TENM4: variants seen among roughly 807,000 people sequenced by gnomAD.
TENM4 encodes the protein teneurin-4.
In TENM4, 82 loss-of-function variants were observed where a neutral mutation model predicts 243.3. The ratio of observed to expected loss-of-function variants is 0.34; its 90% confidence interval spans 0.28 to 0.40. The LOEUF (loss-of-function observed/expected upper bound fraction) is 0.40. Ranked by LOEUF, TENM4 falls within the 10% of genes least tolerant of loss-of-function variation. The pLI is 1.00. For missense variants in TENM4, 3,138 were observed against 3,673.3 expected (o/e 0.85, Z 3.77); for synonymous variants, 1,412 against 1,456.3 (o/e 0.97, Z 0.69).
intron 27 of TENM4, among the ~76,000 whole-genome samples, chr11:78,704,034 TACACACACACACAC>T (rs375601895): frequency 2.2e-5 from 3 of 138,218 alleles, no homozygotes; most frequent in East Asian, 2.1e-4. Flanking sequence ...CATATATATA[TACACACACACACAC>T]ACACACACAC....
chr11:78,851,360 GA>G, intron 12 of TENM4, among the ~76,000 whole-genome samples: 1 of 152,276 alleles, frequency 6.6e-6, no homozygotes, highest in Non-Finnish European at 1.5e-5. Context: ...GAACCAAAGG[GA>G]AAAGAAGACC....
At position 78,708,489 on chromosome 11, in the gene TENM4, T is replaced by C. The variant is rs200821670; in HGVS notation, c.4081A>G (p.Ile1361Val). ...ATCATGGTGCCATCCACGAAGTAGA[T>C]CAGCCCAAACTTGTCCACTGTAATG... ...RGITVDKFGLIYFVDGTMIRR... is the reference protein window; with the variant it reads ...RGITVDKFGLVYFVDGTMIRR... Residue 1361 changes from isoleucine to valine, a missense_variant, in exon 27 of 34, where the codon ATC becomes GTC. By Grantham distance (29) the Ile-to-Val change is conservative. This residue lies in a region of TENM4 where 2,467 missense variants were observed against 3,059.1 expected (regional missense o/e 0.81). Transcript: ENST00000278550. The C allele has an allele frequency of 1.3e-3, 2,086 of 1,613,948 alleles. 19 individuals carry two copies. In the South Asian group the frequency reaches 0.013, roughly 10 times the overall value.
chr11:79,298,976 TAAC>T (rs952502323), intron 1 of TENM4, among the ~76,000 whole-genome samples: 2 of 152,196 alleles, frequency 1.3e-5, no homozygotes, highest in African/African-American at 2.4e-5. Flanking sequence ...ATAGGTTCTG[TAAC>T]AACGTTGCTA....
intron 3 of TENM4, among the ~76,000 whole-genome samples, chr11:79,178,122 T>A (rs1863205247): frequency 6.6e-6 from 1 of 151,998 alleles, no homozygotes; most frequent in Non-Finnish European, 1.5e-5. Context: ...ATGGGTTGGA[T>A]GTGGGATGTG....
chr11:79,182,040 A>G (rs765460296), intron 3 of TENM4, among the ~76,000 whole-genome samples: 11 of 152,106 alleles, frequency 7.2e-5, no homozygotes, highest in Non-Finnish European at 1.6e-4. Context: ...TATAGACTCA[A>G]TGCAATCCCA....
chr11:79,398,814 T>C (rs1858399967), intron 1 of TENM4, among the ~76,000 whole-genome samples: 1 of 148,326 alleles, frequency 6.7e-6, no homozygotes, highest in Non-Finnish European at 1.5e-5. Flanking sequence ...AGATAAGGTA[T>C]GCTGGGGGCC....
intron 6 of TENM4, among the ~76,000 whole-genome samples, chr11:78,984,188 C>G (rs1369929856): frequency 6.6e-6 from 1 of 152,182 alleles, no homozygotes; most frequent in Non-Finnish European, 1.5e-5. Flanking sequence ...CTTAATCTCT[C>G]TGAGCCTTAG....
In TENM4 at chr11:78,793,807, T is replaced by C. The variant is rs112827607; in HGVS notation, c.2180-6724A>G. Among the ~76,000 whole-genome samples, 1,234 of 152,326 alleles carry C rather than the reference T, an allele frequency of 8.1e-3. 6 individuals are homozygous for C. Among genetic ancestry groups the C allele is most frequent in the Non-Finnish European group, 0.013 (856 of 68,018 alleles). On this transcript the variant is annotated intron_variant, in intron 15 of 33. Transcript: ENST00000278550. Reference sequence around the variant, plus strand: ...CATTAAGTGCTCAAAGGTACTTAGCTAGAAATGAAAGGTGACTGTGATTCA... The same window carrying C: ...CATTAAGTGCTCAAAGGTACTTAGCCAGAAATGAAAGGTGACTGTGATTCA...
At chr11:78,940,148 TG>T (rs1410409149) in intron 6 of TENM4, among the ~76,000 whole-genome samples, 4 of 152,238 alleles carry the variant, frequency 2.6e-5, no homozygotes, top group African/African-American at 9.6e-5. Flanking sequence ...TTTAAGCATA[TG>T]TTTATCAAAT....
At chr11:78,873,053 A>G (rs183845876) in intron 9 of TENM4, among the ~76,000 whole-genome samples, 3 of 152,200 alleles carry the variant, frequency 2.0e-5, no homozygotes, top group Non-Finnish European at 4.4e-5. Flanking sequence ...GCACTTTAAA[A>G]TCACACAGAA....
intron 6 of TENM4, among the ~76,000 whole-genome samples, chr11:79,035,244 A>T (rs1197482891): frequency 3.3e-5 from 5 of 152,218 alleles, no homozygotes; most frequent in Non-Finnish European, 2.9e-5. Flanking sequence ...CATGGTGCTC[A>T]TCTTGCAGAA....
intron 3 of TENM4, among the ~76,000 whole-genome samples, chr11:79,214,078 G>C (rs1864001972): frequency 1.3e-5 from 2 of 151,546 alleles, no homozygotes; most frequent in African/African-American, 4.9e-5. Flanking sequence ...TGCAACTTCT[G>C]CCTCCAGAGT....
intron 10 of TENM4, among the ~76,000 whole-genome samples, chr11:78,856,855 A>T (rs1348668077): frequency 6.6e-6 from 1 of 152,182 alleles, no homozygotes; most frequent in Non-Finnish European, 1.5e-5. Flanking sequence ...GGTCAAGCTG[A>T]GGGAATTTCC....
At chr11:78,796,299 G>T (rs893633376) in intron 15 of TENM4, among the ~76,000 whole-genome samples, 2 of 152,136 alleles carry the variant, frequency 1.3e-5, no homozygotes, top group African/African-American at 2.4e-5. Context: ...AGCTGACTTT[G>T]CAGAAGGATA....
intron 2 of TENM4, among the ~76,000 whole-genome samples, chr11:79,261,197 C>T (rs1001457840): frequency 3.3e-5 from 5 of 152,134 alleles, no homozygotes; most frequent in South Asian, 4.1e-4. Context: ...CTGGGAAGTA[C>T]GACCCCCTGA....
intron 3 of TENM4, among the ~76,000 whole-genome samples, chr11:79,211,668 A>G (rs145980283): frequency 2.5e-4 from 38 of 152,362 alleles, no homozygotes; most frequent in African/African-American, 7.7e-4. Flanking sequence ...TCATAAAAAT[A>G]TGTTATTTAT....
chr11:78,956,431 C>A (rs1395966823), intron 6 of TENM4, among the ~76,000 whole-genome samples: 1 of 152,194 alleles, frequency 6.6e-6, no homozygotes, highest in Non-Finnish European at 1.5e-5. Context: ...TGCTGAATTT[C>A]CAGGCCTGAC....
chr11:78,746,929 C>T (rs1856064086), intron 19 of TENM4, among the ~76,000 whole-genome samples: 1 of 152,172 alleles, frequency 6.6e-6, no homozygotes. Context: ...CCATGTGTCT[C>T]GCCTTCTGTC....
chr11:78,903,673 G>A, intron 6 of TENM4, 150 bp from the exon 7 acceptor site: 2 of 1,278,194 alleles, frequency 1.6e-6, no homozygotes, highest in African/African-American at 1.5e-5. Context: ...CACGACAGTT[G>A]TTTATTGAGC....
Sources: allele counts gnomAD v4.1 joint callset (sites outside exome capture counted in the v4.1 genomes callset), GRCh38; gene constraint gnomAD v4.1.1; regional missense constraint gnomAD v4.1.1; transcripts MANE v1.5; gene names NCBI Gene and HGNC (gene_info 2026-07-23, HGNC 2026-07-21).